CADPS2: variants seen among roughly 807,000 people sequenced by gnomAD.
CADPS2 encodes calcium-dependent secretion activator 2.
CADPS2 carries 93 observed loss-of-function variants against 172.5 expected under a neutral mutation model. The ratio of observed to expected loss-of-function variants is 0.54; its 90% CI spans 0.46 to 0.64. CADPS2 has a LOEUF of 0.64. CADPS2 is among the 30% of genes least tolerant of loss of function. The pLI, the probability that CADPS2 is intolerant of heterozygous loss-of-function variation, is 0.00. For missense variants in CADPS2, 1,420 were observed against 1,565.9 expected (o/e 0.91, Z 1.57); for synonymous variants, 546 against 555.2 (o/e 0.98, Z 0.23).
At chr7:122,432,097 TGAG>T (rs2050012915) in intron 17 of CADPS2, among the ~76,000 whole-genome samples, 1 of 151,970 alleles carries the variant, frequency 6.6e-6, no homozygotes, top group Non-Finnish European at 1.5e-5. Context: ...GTGACGCAGC[TGAG>T]GTGTTTATCA....
At chr7:122,481,184 T>G (rs914400504) in intron 11 of CADPS2, among the ~76,000 whole-genome samples, 2 of 118,798 alleles carry the variant, frequency 1.7e-5, no homozygotes, top group Non-Finnish European at 3.6e-5. Context: ...TTTTTTTTTT[T>G]TGACGGAGTC....
At chr7:122,377,204 C>G (rs1359651246) in intron 25 of CADPS2, among the ~76,000 whole-genome samples, 1 of 152,048 alleles carries the variant, frequency 6.6e-6, no homozygotes, top group Non-Finnish European at 1.5e-5. Context: ...TTCAAGTACT[C>G]CACAACCACA....
At chr7:122,345,525 T>A in intron 28 of CADPS2, 49 bp downstream of exon 28, 2 of 1,111,216 alleles carry the variant, frequency 1.8e-6, no homozygotes, top group Non-Finnish European at 2.7e-6. Context: ...ACTTTTCTCT[T>A]TGCAGTTTAT....
intron 1 of CADPS2, among the ~76,000 whole-genome samples, chr7:122,853,294 C>A (rs1304160305): frequency 6.6e-6 from 1 of 152,198 alleles, no homozygotes; most frequent in African/African-American, 2.4e-5. Context: ...GCAGAGTGGC[C>A]ACATCCTCCA....
chr7:122,731,350 T>C (rs1222784891), intron 2 of CADPS2, among the ~76,000 whole-genome samples: 1 of 151,786 alleles, frequency 6.6e-6, no homozygotes, highest in East Asian at 1.9e-4. Context: ...TACTGCCTTT[T>C]GGAAATCTAC....
chr7:122,745,424 G>C (rs758294993), intron 1 of CADPS2, among the ~76,000 whole-genome samples: 1 of 151,694 alleles, frequency 6.6e-6, no homozygotes, highest in Non-Finnish European at 1.5e-5. Flanking sequence ...TGATCCCAAA[G>C]CCTATATTCT....
At chr7:122,853,072 A>C (rs181477643) in intron 1 of CADPS2, among the ~76,000 whole-genome samples, 12 of 152,320 alleles carry the variant, frequency 7.9e-5, no homozygotes, top group African/African-American at 2.2e-4. Flanking sequence ...CAGTTAAGGA[A>C]AAGGCCTTGG....
At chr7:122,672,821 T>C (rs555748819) in intron 2 of CADPS2, among the ~76,000 whole-genome samples, 1 of 152,206 alleles carries the variant, frequency 6.6e-6, no homozygotes, top group Non-Finnish European at 1.5e-5. Context: ...CGGAAAACTA[T>C]GACATACCAC....
At chr7:122,809,939 G>A (rs1029596909) in intron 1 of CADPS2, among the ~76,000 whole-genome samples, 12 of 152,060 alleles carry the variant, frequency 7.9e-5, no homozygotes, top group African/African-American at 2.9e-4. Context: ...AGGTGCTAAT[G>A]GTTATTACAC....
At chr7:122,328,492 C>T (rs758844841) in intron 28 of CADPS2, 20 of 152,098 alleles carry the variant, frequency 1.3e-4, no homozygotes, top group African/African-American at 1.4e-4. Context: ...GAAGGGGTGC[C>T]GCAGCTTGCA....
intron 2 of CADPS2, among the ~76,000 whole-genome samples, chr7:122,676,101 G>A (rs961878845): frequency 6.6e-6 from 1 of 152,178 alleles, no homozygotes; most frequent in Non-Finnish European, 1.5e-5. Flanking sequence ...AGGGGGTGGG[G>A]AGGAGAGCAG....
intron 28 of CADPS2, among the ~76,000 whole-genome samples, chr7:122,330,374 A>G (rs1487475981): frequency 1.3e-5 from 2 of 152,178 alleles, no homozygotes; most frequent in African/African-American, 2.4e-5. Context: ...ATGCACTACA[A>G]TTTCACCAGT....
intron 9 of CADPS2, among the ~76,000 whole-genome samples, 184 bp from the exon 10 acceptor site, chr7:122,491,604 G>A (rs946042821): frequency 1.3e-5 from 2 of 152,064 alleles, no homozygotes; most frequent in African/African-American, 4.8e-5. Flanking sequence ...TTGTCAGCTT[G>A]CATTTGTTGG....
chr7:122,635,269 TA>T (rs776782669), intron 3 of CADPS2, among the ~76,000 whole-genome samples: 5 of 141,786 alleles, frequency 3.5e-5, no homozygotes, highest in South Asian at 2.2e-4. Context: ...AATGTGTGGC[TA>T]ATTTTTTTTT....
chr7:122,749,959 G>A (rs114069985), intron 1 of CADPS2, among the ~76,000 whole-genome samples: 1 of 139,658 alleles, frequency 7.2e-6, no homozygotes, highest in Admixed American at 7.3e-5. Flanking sequence ...CACCTGTGAG[G>A]TTAAAAAAAA....
At chr7:122,699,264 A>G (rs1244273330) in intron 2 of CADPS2, 1 of 189,510 alleles carries the variant, frequency 5.3e-6, no homozygotes, top group East Asian at 1.3e-4. Flanking sequence ...GGTGATTTCT[A>G]TGTTGTTATA....
chr7:122,416,254 T>C (rs989032012), intron 17 of CADPS2, 90 bp from the exon 18 acceptor site: 39 of 539,506 alleles, frequency 7.2e-5, no homozygotes, highest in African/African-American at 7.0e-4. Context: ...AATGTTGAAA[T>C]AGAATGAGAA....
chr7:122,827,416 G>GGAAGTTGAGGTGGGCGGATCAACT (rs1554472712), intron 1 of CADPS2, among the ~76,000 whole-genome samples: 1 of 151,460 alleles, frequency 6.6e-6, no homozygotes, highest in Non-Finnish European at 1.5e-5. Context: ...CAGCACTTTG[G>GGAAGTTGAGGTGGGCGGATCAACT]GAGGTTGGGA....
intron 29 of CADPS2, among the ~76,000 whole-genome samples, chr7:122,323,833 GTA>G (rs2033128701): frequency 1.9e-5 from 1 of 53,458 alleles, no homozygotes; most frequent in African/African-American, 5.7e-5. Context: ...CAACTGTTAT[GTA>G]TGTGTATATA....
Sources: allele counts gnomAD v4.1 joint callset (sites outside exome capture counted in the v4.1 genomes callset), GRCh38; gene constraint gnomAD v4.1.1; transcripts MANE v1.5; gene names NCBI Gene and HGNC (gene_info 2026-07-23, HGNC 2026-07-21).